Variants in QKI observed in about 807,000 individuals in gnomAD.
QKI encodes the protein KH domain-containing RNA-binding protein QKI.
Under a neutral mutation model 39.0 loss-of-function variants are expected in QKI, and 10 were observed. That is an observed-to-expected ratio of 0.26 (90% CI 0.16 to 0.43). The LOEUF is 0.43. QKI is among the 20% of genes least tolerant of loss of function. The probability of loss-of-function intolerance (pLI) is 1.00; values close to 1 mark genes in which losing one functional copy is unlikely to be tolerated. For synonymous variants in QKI, 204 were observed against 155.4 expected (o/e 1.31, Z -2.33); for missense variants, 218 against 428.0 (o/e 0.51, Z 4.33).
rs1443016584 is a variant in QKI at position 163,573,355 on chromosome 6, T to C, written c.*2645T>C. The C allele has an allele frequency of 2.0e-5, 3 of 152,206 alleles. No individual in the cohort carries two copies. Among genetic ancestry groups the C allele is most frequent in the Non-Finnish European group, 2.9e-5 (2 of 68,024 alleles). 9.4% of individuals were successfully genotyped at this position (152,206 alleles called of 1,614,324 possible). ...AGATGGGAGTGTCGCTTGTATGTTA[T>C]CGTACAGCTGACATGTATTTTTGTC... On this transcript the variant is annotated 3_prime_UTR_variant, in exon 8 of 8. Coordinates refer to ENST00000361752, the MANE Select transcript of QKI (RefSeq NM_006775.3).
intron 3 of QKI, among the ~76,000 whole-genome samples, chr6:163,507,288 G>C (rs1779157860): frequency 1.3e-5 from 2 of 152,160 alleles, no homozygotes; most frequent in African/African-American, 4.8e-5. Flanking sequence ...ATAAGAACTT[G>C]AGGGTTTCTG....
intron 1 of QKI, among the ~76,000 whole-genome samples, chr6:163,446,707 G>C (rs956208975): frequency 1.3e-5 from 2 of 151,906 alleles, no homozygotes; most frequent in Non-Finnish European, 2.9e-5. Flanking sequence ...CTCTTTTTTG[G>C]TAAGTTGAAA....
At chr6:163,478,432 T>G (rs763902351) in intron 2 of QKI, among the ~76,000 whole-genome samples, 14 of 152,202 alleles carry the variant, frequency 9.2e-5, no homozygotes, top group Non-Finnish European at 1.5e-4. Flanking sequence ...GTTGGACATT[T>G]TGTGGAAGGG....
chr6:163,461,958 A>G (rs1345711363), intron 2 of QKI, among the ~76,000 whole-genome samples: 2 of 152,076 alleles, frequency 1.3e-5, no homozygotes, highest in Non-Finnish European at 2.9e-5. Context: ...TAATGAGACT[A>G]TGTTTTCTTT....
intron 2 of QKI, among the ~76,000 whole-genome samples, chr6:163,461,004 G>T (rs902297751): frequency 6.6e-6 from 1 of 152,178 alleles, no homozygotes; most frequent in Non-Finnish European, 1.5e-5. Flanking sequence ...GTGGAGTTGT[G>T]AAGTGATTCA....
chr6:163,431,056 G>A (rs1008827864), intron 1 of QKI, among the ~76,000 whole-genome samples: 5 of 152,118 alleles, frequency 3.3e-5, no homozygotes, highest in Non-Finnish European at 7.4e-5. Context: ...GATATGTTAA[G>A]GGAAATTTTA....
chr6:163,415,441 G>A, intron 1 of QKI, 106 bp downstream of exon 1: 1 of 991,332 alleles, frequency 1.0e-6, no homozygotes, highest in South Asian at 1.7e-5. Flanking sequence ...GGGCGGGACC[G>A]AGCGCCGGGG....
chr6:163,481,027 T>C (rs1037086121), intron 3 of QKI, among the ~76,000 whole-genome samples: 2 of 152,316 alleles, frequency 1.3e-5, no homozygotes, highest in African/African-American at 2.4e-5. Flanking sequence ...GTGATTATAC[T>C]GTTGCACTCT....
At chr6:163,561,900 C>A (rs1361120144) in intron 4 of QKI, 82 bp from the exon 5 acceptor site, 1 of 1,088,518 alleles carries the variant, frequency 9.2e-7, no homozygotes, top group South Asian at 1.5e-5. Flanking sequence ...ATGATACTTA[C>A]TTTAAGGCTT....
chr6:163,524,629 C>T (rs957273503), intron 3 of QKI, among the ~76,000 whole-genome samples: 31 of 75,932 alleles, frequency 4.1e-4, no homozygotes, highest in East Asian at 2.8e-3. Context: ...CCACCATGCC[C>T]GGCTAATTTT....
chr6:163,427,691 G>A (rs527908276), intron 1 of QKI, among the ~76,000 whole-genome samples: 18 of 151,992 alleles, frequency 1.2e-4, no homozygotes, highest in Admixed American at 7.9e-4. Flanking sequence ...GTGTGCGCGC[G>A]TGTGTGTGTG....
At chr6:163,528,153 T>C (rs936105959) in intron 3 of QKI, among the ~76,000 whole-genome samples, 4 of 152,112 alleles carry the variant, frequency 2.6e-5, no homozygotes, top group African/African-American at 9.7e-5. Context: ...AGGACAAATA[T>C]AGAAAGACAA....
intron 4 of QKI, among the ~76,000 whole-genome samples, chr6:163,538,707 C>A (rs1460903145): frequency 6.6e-6 from 1 of 152,096 alleles, no homozygotes; most frequent in Non-Finnish European, 1.5e-5. Context: ...AGCAGAGATT[C>A]CAATAAGGAA....
intron 1 of QKI, among the ~76,000 whole-genome samples, chr6:163,444,905 T>TGGG (rs1790032981): frequency 6.6e-6 from 1 of 152,070 alleles, no homozygotes; most frequent in Non-Finnish European, 1.5e-5. Flanking sequence ...CAAACACTTT[T>TGGG]TAATTATTAT....
intron 4 of QKI, among the ~76,000 whole-genome samples, chr6:163,556,180 A>G (rs1782592955): frequency 6.6e-6 from 1 of 152,188 alleles, no homozygotes; most frequent in Admixed American, 6.5e-5. Context: ...ATTACATTAA[A>G]CGTGACCTGT....
intron 2 of QKI, among the ~76,000 whole-genome samples, chr6:163,468,138 AATATAC>A (rs1791917253): frequency 6.6e-6 from 1 of 152,162 alleles, no homozygotes; most frequent in Non-Finnish European, 1.5e-5. Flanking sequence ...GACTTCAGAA[AATATAC>A]ATATACGCTT....
chr6:163,522,837 G>A (rs992989209), intron 3 of QKI, among the ~76,000 whole-genome samples: 9 of 152,094 alleles, frequency 5.9e-5, no homozygotes, highest in African/African-American at 2.2e-4. Context: ...ATGTGTGCAC[G>A]ATTACATGAA....
At chr6:163,466,159 A>G (rs974674501) in intron 2 of QKI, among the ~76,000 whole-genome samples, 14 of 152,006 alleles carry the variant, frequency 9.2e-5, no homozygotes, top group Non-Finnish European at 1.8e-4. Flanking sequence ...CTCATTTACA[A>G]TAGCATCGGA....
chr6:163,471,604 A>G (rs1473448014), intron 2 of QKI, among the ~76,000 whole-genome samples: 2 of 152,162 alleles, frequency 1.3e-5, no homozygotes, highest in South Asian at 2.1e-4. Context: ...TGATAAGTCA[A>G]GGAAGCATGT....
Sources: gnomAD v4.1 joint callset for allele counts (sites outside exome capture counted in the v4.1 genomes callset) on GRCh38, gnomAD v4.1.1 for gene constraint, MANE v1.5 for transcripts, NCBI Gene and HGNC (gene_info 2026-07-23, HGNC 2026-07-21) for gene names.